DGKB: variants seen among roughly 807,000 people sequenced by gnomAD.
The protein encoded by DGKB is 90 kDa diacylglycerol kinase.
DGKB carries 67 observed loss-of-function variants against 114.3 expected under a neutral mutation model. That is an observed-to-expected ratio of 0.59 (90% CI 0.48 to 0.72). The LOEUF (loss-of-function observed/expected upper bound fraction) is 0.72, where lower values mean the gene tolerates loss of function less well. Ranked by LOEUF, DGKB falls within the 30% of genes least tolerant of loss-of-function variation. The pLI is 0.00. For missense variants in DGKB, 907 were observed against 975.2 expected (o/e 0.93, Z 0.93); for synonymous variants, 398 against 323.1 (o/e 1.23, Z -2.49).
chr7:14,690,262 T>G (rs1052719311), intron 9 of DGKB, among the ~76,000 whole-genome samples: 1 of 152,190 alleles, frequency 6.6e-6, no homozygotes, highest in African/African-American at 2.4e-5. Context: ...TAACTTCTCT[T>G]CTTGGCTAAC....
chr7:14,271,602 G>A (rs528995393), intron 23 of DGKB, among the ~76,000 whole-genome samples: 73 of 152,242 alleles, frequency 4.8e-4, no homozygotes, highest in Non-Finnish European at 9.4e-4. Flanking sequence ...AGCCTTTGAG[G>A]GGCAAGGGAA....
chr7:14,225,923 A>G (rs1469472095), intron 23 of DGKB, among the ~76,000 whole-genome samples: 1 of 151,984 alleles, frequency 6.6e-6, no homozygotes, highest in Non-Finnish European at 1.5e-5. Flanking sequence ...TTTCTCTAAA[A>G]TGAATTTAAA....
At chr7:14,565,450 T>C (rs1043537166) in intron 20 of DGKB, among the ~76,000 whole-genome samples, 1 of 152,166 alleles carries the variant, frequency 6.6e-6, no homozygotes, top group African/African-American at 2.4e-5. Flanking sequence ...TAGAAATAAA[T>C]ATGTCAATGA....
At chr7:14,901,609 C>A (rs191805447) in intron 1 of DGKB, among the ~76,000 whole-genome samples, 2,541 of 138,586 alleles carry the variant, frequency 0.018, 45 homozygotes, top group African/African-American at 0.057. Context: ...ATTTCCACCC[C>A]CCCCCACCCC....
intron 2 of DGKB, among the ~76,000 whole-genome samples, chr7:14,764,545 C>A (rs1311628613): frequency 6.6e-6 from 1 of 151,938 alleles, no homozygotes; most frequent in South Asian, 2.1e-4. Context: ...ATTTAATTAG[C>A]CTACATCTCC....
chr7:14,670,620 A>T (rs935008648), intron 13 of DGKB, among the ~76,000 whole-genome samples: 22 of 151,946 alleles, frequency 1.4e-4, no homozygotes, highest in Non-Finnish European at 2.9e-4. Flanking sequence ...GTACAATATT[A>T]GCTATAGTCA....
chr7:14,558,259 T>G (rs2128663163), intron 20 of DGKB, among the ~76,000 whole-genome samples: 1 of 151,840 alleles, frequency 6.6e-6, no homozygotes, highest in African/African-American at 2.4e-5. Context: ...TAGTTTATAT[T>G]ATCTTTGTAT....
At position 14,782,704 on chromosome 7, in the gene DGKB, A is replaced by G. The variant is rs985887404; in HGVS notation, c.71-24973T>C. On this transcript the variant is annotated intron_variant, in intron 2 of 25. Coordinates refer to ENST00000402815, the MANE Select transcript of DGKB (RefSeq NM_001350709.2). ...AGAATGTCCTTCTGAAGAAGTGACA[A>G]TTCAGCAAAGATCTAGATGAGAAAG... is the stretch of plus-strand genomic sequence containing the variant. 8.5e-5 allele frequency among the ~76,000 whole-genome samples: 13 copies of G among 152,316 alleles called. 1 individual carries two copies. Among genetic ancestry groups the G allele is most frequent in the Admixed American group, 4.6e-4 (7 of 15,292 alleles).
intron 21 of DGKB, among the ~76,000 whole-genome samples, chr7:14,450,413 T>C (rs1831311086): frequency 6.6e-6 from 1 of 152,082 alleles, no homozygotes; most frequent in African/African-American, 2.4e-5. Flanking sequence ...GAGGACAAAA[T>C]AATTAATATG....
At chr7:14,705,248 C>T (rs374354432) in intron 6 of DGKB, among the ~76,000 whole-genome samples, 75 of 151,350 alleles carry the variant, frequency 5.0e-4, no homozygotes, top group African/African-American at 1.6e-3. Flanking sequence ...TGAAATGAAG[C>T]GAGAAGGGAA....
intron 17 of DGKB, among the ~76,000 whole-genome samples, chr7:14,596,365 C>T (rs1002855406): frequency 6.6e-6 from 1 of 152,104 alleles, no homozygotes; most frequent in Non-Finnish European, 1.5e-5. Context: ...CATTTCAAAC[C>T]TCATTTCTCC....
intron 14 of DGKB, among the ~76,000 whole-genome samples, chr7:14,627,601 T>A (rs1808824359): frequency 6.6e-6 from 1 of 151,588 alleles, no homozygotes; most frequent in Admixed American, 6.6e-5. Flanking sequence ...TGTGTGTGTG[T>A]GTGTGTAGTA....
At chr7:14,648,298 G>C (rs1418951791) in intron 13 of DGKB, among the ~76,000 whole-genome samples, 1 of 152,168 alleles carries the variant, frequency 6.6e-6, no homozygotes, top group Non-Finnish European at 1.5e-5. Context: ...CTGGAGATCT[G>C]AGAACGGGCA....
intron 3 of DGKB, among the ~76,000 whole-genome samples, chr7:14,754,821 T>C (rs1196204561): frequency 1.3e-5 from 2 of 152,184 alleles, no homozygotes; most frequent in African/African-American, 4.8e-5. Flanking sequence ...GTATGTGTAC[T>C]GGGAAGTGCC....
chr7:14,190,775 A>G (rs1784180946), intron 23 of DGKB: 1 of 152,498 alleles, frequency 6.6e-6, no homozygotes, highest in South Asian at 2.1e-4. Context: ...CAGTGTCATG[A>G]AAACCATCCC....
chr7:14,389,371 C>A (rs186442228), intron 21 of DGKB, among the ~76,000 whole-genome samples: 3 of 152,080 alleles, frequency 2.0e-5, no homozygotes, highest in South Asian at 2.1e-4. Flanking sequence ...TTCAGTCAGG[C>A]GATTAAATTT....
At chr7:14,841,958 C>G (rs1847995539) in intron 1 of DGKB, among the ~76,000 whole-genome samples, 1 of 152,054 alleles carries the variant, frequency 6.6e-6, no homozygotes, top group Admixed American at 6.5e-5. Context: ...AAAGCAATTC[C>G]AAATGTCTGA....
intron 1 of DGKB, among the ~76,000 whole-genome samples, chr7:14,912,961 T>C (rs937652507): frequency 2.0e-5 from 3 of 152,188 alleles, no homozygotes; most frequent in Non-Finnish European, 4.4e-5. Flanking sequence ...TTCTCCACCA[T>C]TTCTTTCCGA....
intron 23 of DGKB, among the ~76,000 whole-genome samples, chr7:14,275,306 G>GT (rs1798840832): frequency 6.6e-6 from 1 of 152,034 alleles, no homozygotes; most frequent in South Asian, 2.1e-4. Context: ...CTGGTATAGG[G>GT]TTGACACACA....
Sources: gnomAD v4.1 joint callset for allele counts (sites outside exome capture counted in the v4.1 genomes callset) on GRCh38, gnomAD v4.1.1 for gene constraint, MANE v1.5 for transcripts, NCBI Gene and HGNC (gene_info 2026-07-23, HGNC 2026-07-21) for gene names.